Variants in MKNK2 observed in about 807,000 individuals in gnomAD.
MKNK2 encodes MAP kinase-interacting serine/threonine-protein kinase 2.
In MKNK2, 54 loss-of-function variants were observed where a neutral mutation model predicts 55.0. The observed-to-expected ratio is 0.98, with a 90% CI of 0.79 to 1.23. MKNK2 has a LOEUF of 1.23. Among genes scored for constraint, MKNK2 ranks in the 50% most tolerant of loss-of-function variants. The pLI is 0.00. For synonymous variants in MKNK2, 323 were observed against 256.0 expected (o/e 1.26, Z -2.50); for missense variants, 685 against 632.1 (o/e 1.08, Z -0.90).
intron 2 of MKNK2, among the ~76,000 whole-genome samples, chr19:2,047,558 C>T (rs1778571101): frequency 6.6e-6 from 1 of 152,038 alleles, no homozygotes; most frequent in South Asian, 2.1e-4. Flanking sequence ...TGGGGCGGGT[C>T]GCGGGGATCA....
chr19:2,042,277 G>A, intron 10 of MKNK2, 150 bp downstream of exon 10: 2 of 808,436 alleles, frequency 2.5e-6, no homozygotes, highest in Non-Finnish European at 3.8e-6. Flanking sequence ...TCGAGGCCCC[G>A]CCGCGACACC....
intron 12 of MKNK2, chr19:2,040,421 C>T: frequency 2.0e-6 from 1 of 512,690 alleles, no homozygotes; most frequent in Non-Finnish European, 3.4e-6. Context: ...TTACAGGACC[C>T]AGTGAGGGTG....
In MKNK2 at chr19:2,038,374, T is replaced by C; in HGVS notation, c.*1239A>G. On this transcript the variant is annotated 3_prime_UTR_variant, in exon 14 of 14. Coordinates refer to ENST00000250896, the MANE Select transcript of MKNK2 (RefSeq NM_199054.3). Reference sequence around the variant, plus strand: ...CGCCGGGAAGGGCGGGCGGTGACCCTAGCCGCGCGCACTTCTAAAGTGGAA... The same window carrying C: ...CGCCGGGAAGGGCGGGCGGTGACCCCAGCCGCGCGCACTTCTAAAGTGGAA... 3.0e-6 allele frequency: 3 copies of C among 986,158 alleles called. No homozygotes were observed. The highest frequency in any genetic ancestry group is 3.6e-6 in the Non-Finnish European group (3 of 830,288). The allele number at this position is 986,158 out of a possible 1,614,324, so 61.1% of individuals were successfully genotyped here.
chr19:2,046,493 G>A, intron 3 of MKNK2, 25 bp from the exon 4 acceptor site: 4 of 1,600,548 alleles, frequency 2.5e-6, no homozygotes, highest in Non-Finnish European at 3.4e-6. Flanking sequence ...ACGCCCAGGG[G>A]GCTCAGGACA....
intron 5 of MKNK2, among the ~76,000 whole-genome samples, chr19:2,043,857 C>G (rs369024123): frequency 6.6e-6 from 1 of 151,884 alleles, no homozygotes; most frequent in East Asian, 1.9e-4. Context: ...GCCTGTAATC[C>G]CAACTACTTG....
chr19:2,039,237 TCTC>T lies in MKNK2; in HGVS notation c.*373_*375del, dbSNP rs2016820060. 1.8e-6 allele frequency: 2 copies of T among 1,082,824 alleles called. No individual in the cohort carries two copies. The highest frequency in any genetic ancestry group is 1.6e-5 in the African/African-American group (1 of 61,384). The allele number at this position is 1,082,824 out of a possible 1,614,324, so 67.1% of individuals were successfully genotyped here. Reference sequence around the variant, plus strand: ...AAGATGGCAAACGCTGTGGGCCTGCTCTCCTGAGTCACTGCAAGCCACGTGGGC... The same window carrying T: ...AAGATGGCAAACGCTGTGGGCCTGCTCTGAGTCACTGCAAGCCACGTGGGC... On this transcript the variant is annotated 3_prime_UTR_variant, in exon 14 of 14. Coordinates refer to ENST00000250896, the MANE Select transcript of MKNK2 (RefSeq NM_199054.3).
At chr19:2,046,321 C>T (rs2016996119) in intron 4 of MKNK2, 38 bp from the exon 5 acceptor site, 1 of 1,603,530 alleles carries the variant, frequency 6.2e-7, no homozygotes, top group Non-Finnish European at 8.5e-7. Context: ...GGGACCCTGG[C>T]TTTTCCCCGC....
chr19:2,039,223 C>T lies in MKNK2; in HGVS notation c.*390G>A, dbSNP rs778136794. 22 of 1,055,354 alleles carry T rather than the reference C, an allele frequency of 2.1e-5. No homozygotes were observed. The African/African-American group carries it at 2.2e-4, about 10-fold the overall frequency. 65.4% of individuals were successfully genotyped at this position (1,055,354 alleles called of 1,614,324 possible). The stretch of plus-strand genomic sequence containing the variant: ...CTCCCCAGCTCTGCAAGATGGCAAA[C>T]GCTGTGGGCCTGCTCTCCTGAGTCA... On this transcript the variant is annotated 3_prime_UTR_variant, in exon 14 of 14. Coordinates refer to ENST00000250896, the MANE Select transcript of MKNK2 (RefSeq NM_199054.3).
At chr19:2,047,922 C>G (rs1397781894) in intron 2 of MKNK2, among the ~76,000 whole-genome samples, 1 of 152,150 alleles carries the variant, frequency 6.6e-6, no homozygotes. Context: ...TTTCCCCTGC[C>G]AGCTCTGTGC....
At position 2,039,890 on chromosome 19, in the gene MKNK2, G is replaced by A. The variant is rs751828435; in HGVS notation, c.1155-34C>T. The A allele has an allele frequency of 2.5e-5, 39 of 1,573,640 alleles. No homozygotes were observed. The South Asian group carries it at 4.0e-4, about 16-fold the overall frequency. On this transcript the variant is annotated intron_variant, in intron 13 of 13. Transcript: ENST00000250896. Reference sequence around the variant, plus strand: ...CGGGGTGGGGGTAGGTGGTCACCAAGAGGCACCCCTCAGGGGACCCCTGGG... The same window carrying A: ...CGGGGTGGGGGTAGGTGGTCACCAAAAGGCACCCCTCAGGGGACCCCTGGG...
rs533750341 is a variant in MKNK2, at chr19:2,045,410, T to C, written c.339+776A>G. Among the ~76,000 whole-genome samples, 258 of 152,262 alleles carry C rather than the reference T, an allele frequency of 1.7e-3. 3 individuals carry two copies. Among genetic ancestry groups the C allele is most frequent in the African/African-American group, 6.0e-3 (248 of 41,548 alleles). On this transcript the variant is annotated intron_variant, in intron 5 of 13. Coordinates refer to ENST00000250896, the MANE Select transcript of MKNK2 (RefSeq NM_199054.3). ...GTGCTCCTGCACCATTGCCTTGGCC[T>C]GCCTGGGGGCTCCCAGGAGGCAGGG...
chr19:2,039,783 C>T lies in MKNK2; in HGVS notation c.1228G>A (p.Asp410Asn), dbSNP rs1446108957. 5 of 1,607,404 alleles carry T rather than the reference C, an allele frequency of 3.1e-6. No homozygotes were observed. Among genetic ancestry groups the T allele is most frequent in the African/African-American group, 1.3e-5 (1 of 75,068 alleles). ...GCCTCCTCCTCAGCCAGGTCCTCGTCGTGCTGGGCCAGCTGCCGGTTCATG... is the reference window on the plus strand; with the variant it reads ...GCCTCCTCCTCAGCCAGGTCCTCGTTGTGCTGGGCCAGCTGCCGGTTCATG... ...IAMNRQLAQH[D>N]EDLAEEEAAG... is the part of the protein sequence containing the mutation. The change falls in exon 14 of 14, where the codon GAC becomes AAC. Residue 410 changes from aspartate (D) to asparagine (N), a missense_variant. Physicochemically the swap from Asp to Asn is conservative, Grantham distance 23 (BLOSUM62 1). Coordinates refer to ENST00000250896, the MANE Select transcript of MKNK2 (RefSeq NM_199054.3).
Position 2,039,461 on chromosome 19 carries a change from C to T in MKNK2, c.*152G>A. 7.1e-7 allele frequency: 1 copy of T among 1,400,516 alleles called. No homozygotes were observed. The allele number at this position is 1,400,516 out of a possible 1,614,324, so 86.8% of individuals were successfully genotyped here. On this transcript the variant is annotated 3_prime_UTR_variant, in exon 14 of 14. Coordinates refer to ENST00000250896, the MANE Select transcript of MKNK2 (RefSeq NM_199054.3). Reference sequence around the variant, plus strand: ...AAAAAAAAAACCCAAAAGCAAAAACCTTCTATAAAACACCCCCCTCAGCTG... The same window carrying T: ...AAAAAAAAAACCCAAAAGCAAAAACTTTCTATAAAACACCCCCCTCAGCTG...
intron 10 of MKNK2, 184 bp from the exon 11 acceptor site, chr19:2,042,218 C>A (rs2016903082): frequency 7.0e-6 from 5 of 719,218 alleles, no homozygotes; most frequent in South Asian, 4.1e-5. Flanking sequence ...CCCTCCCCCG[C>A]CGCGGCCCCG....
In MKNK2 at chr19:2,041,965, TGTC is replaced by T; in HGVS notation, c.817_819del (p.Asp273del). On this transcript the variant is annotated inframe_deletion, in exon 11 of 14. Transcript: ENST00000250896. ...CCCAGGCTCCACAGGTCGCAGCGCT[TGTC>T]GTAGATGCTAGCCTCCTCGCTGAAG... 6.4e-7 allele frequency: 1 copy of T among 1,562,378 alleles called. No homozygotes were observed. The highest frequency in any genetic ancestry group is 8.7e-7 in the Non-Finnish European group (1 of 1,153,612).
rs909186699 is a variant in MKNK2 at position 2,041,745 on chromosome 19, G to A, written c.945+95C>T. 1.1e-5 allele frequency: 12 copies of A among 1,052,770 alleles called. No homozygotes were observed. The African/African-American group carries it at 1.3e-4, about 12-fold the overall frequency. The allele number at this position is 1,052,770 out of a possible 1,614,324, so 65.2% of individuals were successfully genotyped here. On this transcript the variant is annotated intron_variant, in intron 11 of 13. Transcript: ENST00000250896. ...GGGGGCAGGTCCCCTGGACTTAGAG[G>A]GTGCGCAGGGCAGGTCCCCTGGGGT...
At chr19:2,041,692 C>A in intron 11 of MKNK2, 148 bp downstream of exon 11, 1 of 625,934 alleles carries the variant, frequency 1.6e-6, no homozygotes, top group Non-Finnish European at 2.7e-6. Context: ...GCACACAGGG[C>A]AGGTCCCCGA....
At chr19:2,044,607 A>G (rs2016959755) in intron 5 of MKNK2, among the ~76,000 whole-genome samples, 1 of 152,236 alleles carries the variant, frequency 6.6e-6, no homozygotes, top group Non-Finnish European at 1.5e-5. Context: ...TGGTGGCAGC[A>G]GGGATGTGGC....
chr19:2,043,338 C>T, intron 6 of MKNK2, 141 bp from the exon 7 acceptor site: 4 of 996,500 alleles, frequency 4.0e-6, no homozygotes, highest in Non-Finnish European at 3.1e-6. Context: ...GCCAGCTTCA[C>T]ACTGCCCGCC....
Sources: gnomAD v4.1 joint callset for allele counts (sites outside exome capture counted in the v4.1 genomes callset) on GRCh38, gnomAD v4.1.1 for gene constraint, MANE v1.5 for transcripts, NCBI Gene and HGNC (gene_info 2026-07-23, HGNC 2026-07-21) for gene names.